KCNK2: variants seen among roughly 807,000 people sequenced by gnomAD.
KCNK2 encodes potassium two pore domain channel subfamily K member 2, also known as potassium channel subfamily K member 2.
Under a neutral mutation model 40.5 loss-of-function variants are expected in KCNK2, and 21 were observed. That is an observed-to-expected ratio of 0.52 (90% CI 0.37 to 0.75). The LOEUF (loss-of-function observed/expected upper bound fraction) is 0.75. Ranked by LOEUF, KCNK2 falls within the 30% of genes least tolerant of loss-of-function variation. The probability of loss-of-function intolerance (pLI) is 0.00; values close to 1 mark genes in which losing one functional copy is unlikely to be tolerated. For synonymous variants in KCNK2, 191 were observed against 202.2 expected (o/e 0.94, Z 0.47); for missense variants, 399 against 531.6 (o/e 0.75, Z 2.45).
At chr1:215,006,566 A>C (rs778152842) in intron 1 of KCNK2, among the ~76,000 whole-genome samples, 4 of 152,168 alleles carry the variant, frequency 2.6e-5, no homozygotes, top group Non-Finnish European at 5.9e-5. Flanking sequence ...TCTCTATGTG[A>C]GACTTCTCAC....
chr1:215,126,845 G>A (rs191245590), intron 3 of KCNK2, among the ~76,000 whole-genome samples: 7 of 152,212 alleles, frequency 4.6e-5, no homozygotes, highest in Admixed American at 4.6e-4. Flanking sequence ...AGTGGATTAA[G>A]TCATTCTGAG....
chr1:215,163,393 A>G (rs555976274), intron 3 of KCNK2, among the ~76,000 whole-genome samples: 4 of 152,204 alleles, frequency 2.6e-5, no homozygotes, highest in Admixed American at 2.6e-4. Flanking sequence ...CTCTTTTCCT[A>G]CTTGAATACC....
In KCNK2 at chr1:215,234,828, G is replaced by A. The variant is rs762080983; in HGVS notation, c.964G>A (p.Val322Met). 1 of 1,606,532 alleles carries A rather than the reference G, an allele frequency of 6.2e-7. No homozygotes were observed. Among genetic ancestry groups the A allele is most frequent in the Non-Finnish European group, 8.5e-7 (1 of 1,173,938 alleles). Residue 322 changes from valine (V) to methionine (M), a missense_variant and splice_region_variant, in exon 7 of 7, where the codon GTG becomes ATG. This residue lies in a region of KCNK2 where 17 missense variants were observed against 53.4 expected (regional missense o/e 0.32). Transcript: ENST00000444842. ...TCTTTTCTCTGCTTGTATGTTCCAG[G>A]TGGGAGAGTTCAGAGCACACGCTGC... ...RVISKKTKEE[V>M]GEFRAHAAEW...
chr1:215,015,769 G>C (rs1656565788), intron 1 of KCNK2, among the ~76,000 whole-genome samples: 1 of 152,124 alleles, frequency 6.6e-6, no homozygotes. Flanking sequence ...AACTAGATGA[G>C]ATCCAAGGGG....
chr1:215,108,464 AC>A (rs1660536597), intron 2 of KCNK2, among the ~76,000 whole-genome samples: 2 of 152,012 alleles, frequency 1.3e-5, no homozygotes, highest in Non-Finnish European at 2.9e-5. Context: ...TTTATAGGTT[AC>A]CTTTTCATTC....
At chr1:215,108,023 G>A (rs555180037) in intron 2 of KCNK2, among the ~76,000 whole-genome samples, 20 of 152,156 alleles carry the variant, frequency 1.3e-4, no homozygotes, top group Non-Finnish European at 2.8e-4. Context: ...AGGATGAAAC[G>A]ATTCCACCTC....
intron 2 of KCNK2, among the ~76,000 whole-genome samples, chr1:215,096,630 A>C (rs1379460051): frequency 6.6e-6 from 1 of 152,046 alleles, no homozygotes; most frequent in Non-Finnish European, 1.5e-5. Context: ...GGAACCTCGC[A>C]CAGTGGCTGT....
chr1:215,018,020 A>G (rs998254552), intron 1 of KCNK2, among the ~76,000 whole-genome samples: 2 of 152,194 alleles, frequency 1.3e-5, no homozygotes, highest in African/African-American at 2.4e-5. Flanking sequence ...AGTAGTCTGC[A>G]AATAATTAGT....
chr1:215,128,746 G>T (rs1169307739), intron 3 of KCNK2, among the ~76,000 whole-genome samples: 1 of 151,330 alleles, frequency 6.6e-6, no homozygotes, highest in Non-Finnish European at 1.5e-5. Flanking sequence ...AGCTGGATTT[G>T]TTTTGGTGAT....
chr1:215,108,662 ATT>A (rs71167807), intron 2 of KCNK2, among the ~76,000 whole-genome samples: 4 of 151,164 alleles, frequency 2.6e-5, no homozygotes, highest in East Asian at 3.9e-4. Context: ...TGTTGAAGTC[ATT>A]TTTTTTTTGG....
rs191504594 is a variant in KCNK2 at position 215,117,763 on chromosome 1, T to G, written c.358-6870T>G. Reference sequence around the variant, plus strand: ...CGGTTATTAAGGGTCCTAGTGGCACTCGACAGGAATATTATTTTATGCAAG... The same window carrying G: ...CGGTTATTAAGGGTCCTAGTGGCACGCGACAGGAATATTATTTTATGCAAG... On this transcript the variant is annotated intron_variant, in intron 2 of 6. Transcript: ENST00000444842. 3.1e-3 allele frequency among the ~76,000 whole-genome samples: 471 copies of G among 152,240 alleles called. 5 individuals carry two copies. Among genetic ancestry groups the G allele is most frequent in the African/African-American group, 0.011 (452 of 41,568 alleles).
At chr1:215,018,779 T>C (rs1571849945) in intron 1 of KCNK2, among the ~76,000 whole-genome samples, 1 of 152,130 alleles carries the variant, frequency 6.6e-6, no homozygotes, top group South Asian at 2.1e-4. Context: ...ATTCTAAACA[T>C]AATGAGAACT....
intron 1 of KCNK2, among the ~76,000 whole-genome samples, chr1:215,024,692 A>G (rs1345165296): frequency 6.6e-6 from 1 of 152,166 alleles, no homozygotes; most frequent in Non-Finnish European, 1.5e-5. Flanking sequence ...AGAGCCCTAA[A>G]TGAGAAAAAC....
intron 1 of KCNK2, among the ~76,000 whole-genome samples, chr1:215,042,473 G>GGCAGAATAT (rs1657604235): frequency 6.6e-6 from 1 of 152,002 alleles, no homozygotes; most frequent in African/African-American, 2.4e-5. Context: ...GATGATTTGT[G>GGCAGAATAT]GAAACAAAGA....
intron 1 of KCNK2, among the ~76,000 whole-genome samples, chr1:215,045,449 C>T (rs1360386875): frequency 6.6e-6 from 1 of 152,134 alleles, no homozygotes; most frequent in African/African-American, 2.4e-5. Context: ...TTTTCCTTTG[C>T]AAACTAAAAT....
intron 1 of KCNK2, among the ~76,000 whole-genome samples, chr1:215,042,256 T>C (rs1229078053): frequency 6.6e-6 from 1 of 151,972 alleles, no homozygotes; most frequent in Non-Finnish European, 1.5e-5. Flanking sequence ...CAAATAATAT[T>C]TATGCAGAAA....
chr1:215,109,581 TGTGC>T (rs1660590221), intron 2 of KCNK2, among the ~76,000 whole-genome samples: 1 of 152,112 alleles, frequency 6.6e-6, no homozygotes, highest in African/African-American at 2.4e-5. Context: ...TGTGTGTGTG[TGTGC>T]GTGCATGTGT....
chr1:215,010,475 T>C (rs1018889993), intron 1 of KCNK2, among the ~76,000 whole-genome samples: 1 of 152,210 alleles, frequency 6.6e-6, no homozygotes, highest in Non-Finnish European at 1.5e-5. Context: ...TTGCTCTGCA[T>C]GTGCATAGCT....
At chr1:215,016,089 C>T (rs192403640) in intron 1 of KCNK2, among the ~76,000 whole-genome samples, 31 of 152,174 alleles carry the variant, frequency 2.0e-4, no homozygotes, top group Non-Finnish European at 4.3e-4. Flanking sequence ...AGCCACATGA[C>T]TGAAAGTCAA....
Sources: gnomAD v4.1 joint callset for allele counts (sites outside exome capture counted in the v4.1 genomes callset) on GRCh38, gnomAD v4.1.1 for gene constraint, gnomAD v4.1.1 regional missense constraint, MANE v1.5 for transcripts, NCBI Gene and HGNC (gene_info 2026-07-23, HGNC 2026-07-21) for gene names.